The following NRXN3 variants were observed in gnomAD, a reference collection of about 807,000 sequenced individuals.
The protein encoded by NRXN3 is neurexin 3.
In NRXN3, 32 loss-of-function variants were observed where a neutral mutation model predicts 137.6. The ratio of observed to expected loss-of-function variants is 0.23; its 90% CI spans 0.18 to 0.31. The LOEUF is 0.31. NRXN3 is among the 10% of genes least tolerant of loss of function. NRXN3 has a pLI of 1.00. For missense variants in NRXN3, 1,574 were observed against 2,062.5 expected (o/e 0.76, Z 4.59); for synonymous variants, 798 against 784.5 (o/e 1.02, Z -0.29).
intron 15 of NRXN3, among the ~76,000 whole-genome samples, chr14:79,117,580 A>G (rs2054664300): frequency 2.6e-5 from 4 of 152,222 alleles, no homozygotes. Flanking sequence ...GTCAGTAGCA[A>G]TAAATTTGTA....
At chr14:78,476,482 A>G (rs2095380388) in intron 4 of NRXN3, among the ~76,000 whole-genome samples, 1 of 152,222 alleles carries the variant, frequency 6.6e-6, no homozygotes, top group Admixed American at 6.5e-5. Flanking sequence ...AAAGGCCAGT[A>G]AAGCTTTATA....
At chr14:79,012,780 C>T (rs1429444622) in intron 15 of NRXN3, among the ~76,000 whole-genome samples, 1 of 151,988 alleles carries the variant, frequency 6.6e-6, no homozygotes, top group African/African-American at 2.4e-5. Flanking sequence ...TCCATGCGAC[C>T]GAGGAAGTGA....
chr14:79,773,815 A>G (rs887211933), intron 19 of NRXN3, among the ~76,000 whole-genome samples: 3 of 149,502 alleles, frequency 2.0e-5, no homozygotes, highest in Non-Finnish European at 4.4e-5. Flanking sequence ...AAAATAAAAA[A>G]TAAAAATAAA....
chr14:79,492,805 C>G (rs758862023), intron 16 of NRXN3, among the ~76,000 whole-genome samples: 26 of 152,182 alleles, frequency 1.7e-4, no homozygotes, highest in Non-Finnish European at 3.1e-4. Flanking sequence ...TCTTGACTCA[C>G]TTCTATCAAT....
intron 15 of NRXN3, among the ~76,000 whole-genome samples, chr14:79,006,242 G>A (rs2099552530): frequency 1.3e-5 from 2 of 152,134 alleles, no homozygotes; most frequent in African/African-American, 2.4e-5. Flanking sequence ...GATATATAGT[G>A]CAGATTCAAT....
intron 4 of NRXN3, among the ~76,000 whole-genome samples, chr14:78,454,078 A>G (rs1172310766): frequency 6.6e-6 from 1 of 152,202 alleles, no homozygotes; most frequent in Non-Finnish European, 1.5e-5. Flanking sequence ...TCCTTCTTTC[A>G]GTAAATATTA....
intron 15 of NRXN3, among the ~76,000 whole-genome samples, chr14:79,361,961 C>CAGT (rs2093695221): frequency 6.6e-6 from 1 of 150,590 alleles, no homozygotes; most frequent in African/African-American, 2.4e-5. Context: ...TCGAGGCCAG[C>CAGT]AGTGTATCTT....
intron 15 of NRXN3, among the ~76,000 whole-genome samples, chr14:79,427,042 T>G (rs1035298907): frequency 6.6e-6 from 1 of 152,164 alleles, no homozygotes; most frequent in Non-Finnish European, 1.5e-5. Flanking sequence ...ATTTGATCAG[T>G]TTTTTCCTTC....
chr14:78,714,878 C>T lies in NRXN3; in HGVS notation c.1783C>T (p.Pro595Ser). The change falls in exon 8 of 21, where the codon CCC (proline) becomes TCC (serine). Residue 595 changes from proline to serine, a missense_variant. Pro to Ser is a moderately conservative substitution (Grantham distance 74). This residue lies in a region of NRXN3 where 718 missense variants were observed against 887.6 expected (regional missense o/e 0.81). Transcript: ENST00000335750. ...GGAGAACCGTGCTGGCCTTATTCTC[C>T]CCACCGAGCTGTGGACTGCCATGCT... ...LPENRAGLILPTELWTAMLNY... is the reference protein window; with the variant it reads ...LPENRAGLILSTELWTAMLNY... 6.2e-7 allele frequency: 1 copy of T among 1,614,128 alleles called. No homozygotes were observed. The highest frequency in any genetic ancestry group is 8.5e-7 in the Non-Finnish European group (1 of 1,180,014).
intron 1 of NRXN3, among the ~76,000 whole-genome samples, chr14:78,201,852 G>A (rs1487363241): frequency 1.3e-5 from 2 of 152,160 alleles, no homozygotes; most frequent in Non-Finnish European, 2.9e-5. Flanking sequence ...CATCTTCTCC[G>A]ATGACGCGCG....
intron 19 of NRXN3, among the ~76,000 whole-genome samples, chr14:79,769,049 G>T (rs2099067069): frequency 6.6e-6 from 1 of 152,026 alleles, no homozygotes; most frequent in South Asian, 2.1e-4. Flanking sequence ...TGAATGAAAT[G>T]AAGTGAGAAG....
intron 4 of NRXN3, among the ~76,000 whole-genome samples, chr14:78,388,528 G>C (rs1221593163): frequency 6.6e-6 from 1 of 152,048 alleles, no homozygotes. Flanking sequence ...AACAGGGGTT[G>C]GTACACAGAG....
chr14:79,118,661 A>G (rs950178883), intron 15 of NRXN3, among the ~76,000 whole-genome samples: 4 of 152,240 alleles, frequency 2.6e-5, no homozygotes, highest in African/African-American at 9.6e-5. Context: ...TTACTGCAGC[A>G]TAATCTGGCT....
At chr14:78,720,072 C>A (rs564117746) in intron 8 of NRXN3, among the ~76,000 whole-genome samples, 16 of 152,200 alleles carry the variant, frequency 1.1e-4, no homozygotes, top group Admixed American at 1.0e-3. Context: ...CTGTTATATA[C>A]ATATACTAGA....
chr14:78,836,164 A>G (rs1200813345), intron 10 of NRXN3, among the ~76,000 whole-genome samples: 3 of 152,202 alleles, frequency 2.0e-5, no homozygotes, highest in Non-Finnish European at 4.4e-5. Context: ...AACAGTTAAG[A>G]TGTTTAAATT....
intron 15 of NRXN3, among the ~76,000 whole-genome samples, chr14:79,162,081 C>T (rs1182175122): frequency 6.8e-6 from 1 of 147,140 alleles, no homozygotes; most frequent in African/African-American, 2.5e-5. Context: ...TTACCTGAGG[C>T]AATTAGTTTA....
At chr14:78,657,630 G>A (rs1005838233) in intron 6 of NRXN3, among the ~76,000 whole-genome samples, 14 of 152,176 alleles carry the variant, frequency 9.2e-5, no homozygotes, top group African/African-American at 3.4e-4. Context: ...ATTTAAAACC[G>A]AATGGAGTTT....
rs2095037899 is a variant in NRXN3, at chr14:79,396,753, A to G, written c.3263-70468A>G. Reference sequence around the variant, plus strand: ...TTTAATTTACACAAACCAAAGGTCAATATCAATGATTAATGTCAGAGGGAA... The same window carrying G: ...TTTAATTTACACAAACCAAAGGTCAGTATCAATGATTAATGTCAGAGGGAA... On this transcript the variant is annotated intron_variant, in intron 15 of 20. Coordinates refer to ENST00000335750, the MANE Select transcript of NRXN3 (RefSeq NM_001330195.2). Among the ~76,000 whole-genome samples the G allele has an allele frequency of 2.0e-5, 3 of 152,204 alleles. 1 individual carries two copies. Among genetic ancestry groups the G allele is most frequent in the East Asian group, 3.8e-4 (2 of 5,200 alleles).
chr14:78,622,677 A>C (rs890385945), intron 4 of NRXN3, among the ~76,000 whole-genome samples: 1 of 152,274 alleles, frequency 6.6e-6, no homozygotes, highest in Non-Finnish European at 1.5e-5. Flanking sequence ...CTGTGAGTGC[A>C]GGGTGATTGG....
Sources: allele counts gnomAD v4.1 joint callset (sites outside exome capture counted in the v4.1 genomes callset), GRCh38; gene constraint gnomAD v4.1.1; regional missense constraint gnomAD v4.1.1; transcripts MANE v1.5; gene names NCBI Gene and HGNC (gene_info 2026-07-23, HGNC 2026-07-21).